HS3ST5: variants seen among roughly 807,000 people sequenced by gnomAD.
HS3ST5 encodes the protein heparan sulfate glucosamine 3-O-sulfotransferase 5.
Under a neutral mutation model 25.4 loss-of-function variants are expected in HS3ST5, and 10 were observed. The ratio of observed to expected loss-of-function variants is 0.39; its 90% CI spans 0.24 to 0.67. HS3ST5 has a LOEUF of 0.67. Among genes scored for constraint, HS3ST5 ranks in the 30% least tolerant of loss-of-function variants. The pLI, the probability that HS3ST5 is intolerant of heterozygous loss-of-function variation, is 0.44. For missense variants in HS3ST5, 324 were observed against 420.7 expected (o/e 0.77, Z 2.01); for synonymous variants, 170 against 162.4 (o/e 1.05, Z -0.36).
chr6:114,295,242 T>A (rs1437447193), intron 1 of HS3ST5, among the ~76,000 whole-genome samples: 1 of 152,256 alleles, frequency 6.6e-6, no homozygotes, highest in Non-Finnish European at 1.5e-5. Flanking sequence ...CTGTCTTCTC[T>A]AATGCCCCTT....
chr6:114,125,915 A>G (rs1777014675), intron 3 of HS3ST5, among the ~76,000 whole-genome samples: 1 of 152,216 alleles, frequency 6.6e-6, no homozygotes, highest in Admixed American at 6.5e-5. Flanking sequence ...ATGGAAGCTG[A>G]CAGGCAGTAT....
chr6:114,317,839 G>A (rs1775805450), intron 1 of HS3ST5, among the ~76,000 whole-genome samples: 1 of 151,718 alleles, frequency 6.6e-6, no homozygotes, highest in African/African-American at 2.4e-5. Flanking sequence ...AAGTTATGAG[G>A]CTTATTTTAG....
chr6:114,140,411 A>G (rs1050778043), intron 3 of HS3ST5, among the ~76,000 whole-genome samples: 5 of 152,226 alleles, frequency 3.3e-5, no homozygotes, highest in Admixed American at 6.5e-5. Flanking sequence ...AATAATTGTA[A>G]AAGTGGTTGG....
intron 1 of HS3ST5, among the ~76,000 whole-genome samples, chr6:114,322,915 A>G (rs1359883482): frequency 6.6e-6 from 1 of 152,192 alleles, no homozygotes; most frequent in East Asian, 1.9e-4. Context: ...TGATTTGGCT[A>G]ATAAAATGAA....
chr6:114,308,530 T>G (rs1408321912), intron 1 of HS3ST5, among the ~76,000 whole-genome samples: 1 of 151,294 alleles, frequency 6.6e-6, no homozygotes, highest in Non-Finnish European at 1.5e-5. Flanking sequence ...GAGCTTGCAG[T>G]GAGCCGAGAT....
intron 2 of HS3ST5, among the ~76,000 whole-genome samples, chr6:114,204,713 T>A (rs1781193501): frequency 1.3e-5 from 2 of 152,220 alleles, no homozygotes; most frequent in Admixed American, 1.3e-4. Flanking sequence ...ATTTGAGTTG[T>A]CTTGTCCACT....
chr6:114,325,251 C>T (rs886410140), intron 1 of HS3ST5, among the ~76,000 whole-genome samples: 2 of 152,060 alleles, frequency 1.3e-5, no homozygotes, highest in African/African-American at 2.4e-5. Flanking sequence ...GTTACTCAGT[C>T]ACAATTGATG....
intron 3 of HS3ST5, among the ~76,000 whole-genome samples, chr6:114,138,641 G>A (rs1016579239): frequency 1.3e-5 from 2 of 152,102 alleles, no homozygotes; most frequent in Non-Finnish European, 2.9e-5. Flanking sequence ...ACCCATCTAC[G>A]TGGCTCCCCT....
intron 2 of HS3ST5, among the ~76,000 whole-genome samples, chr6:114,183,974 G>A (rs539884632): frequency 6.6e-6 from 1 of 151,428 alleles, no homozygotes; most frequent in Non-Finnish European, 1.5e-5. Context: ...CTAGTGCCTT[G>A]TGGAAGGTAG....
intron 2 of HS3ST5, among the ~76,000 whole-genome samples, chr6:114,218,680 C>A (rs191645878): frequency 1.6e-4 from 24 of 152,310 alleles, no homozygotes; most frequent in African/African-American, 5.8e-4. Flanking sequence ...AAATGCCATT[C>A]CCTGAGTAGG....
chr6:114,164,261 CA>C (rs967051623), intron 3 of HS3ST5, among the ~76,000 whole-genome samples: 2 of 152,006 alleles, frequency 1.3e-5, no homozygotes, highest in Non-Finnish European at 2.9e-5. Flanking sequence ...TTACAGTTTA[CA>C]AAATACCTTT....
intron 3 of HS3ST5, among the ~76,000 whole-genome samples, chr6:114,122,711 A>G (rs1203639674): frequency 6.6e-6 from 1 of 152,210 alleles, no homozygotes; most frequent in Admixed American, 6.5e-5. Flanking sequence ...TGCCTCCACC[A>G]CGTCCACCTT....
At chr6:114,176,459 T>A (rs74529210) in intron 2 of HS3ST5, among the ~76,000 whole-genome samples, 10 of 152,202 alleles carry the variant, frequency 6.6e-5, no homozygotes, top group African/African-American at 2.4e-4. Context: ...ACTTGTATCA[T>A]TGGCAGAAAC....
At chr6:114,109,582 C>T (rs1776163815) in intron 3 of HS3ST5, among the ~76,000 whole-genome samples, 1 of 152,190 alleles carries the variant, frequency 6.6e-6, no homozygotes, top group African/African-American at 2.4e-5. Flanking sequence ...TCCTTCCCTT[C>T]CTCTCTGGCC....
intron 1 of HS3ST5, among the ~76,000 whole-genome samples, chr6:114,303,973 T>G (rs1582801741): frequency 6.6e-6 from 1 of 152,144 alleles, no homozygotes; most frequent in South Asian, 2.1e-4. Flanking sequence ...GCAGTAGTGG[T>G]GTGATTCCAT....
At chr6:114,235,790 T>C (rs1227697523) in intron 1 of HS3ST5, 1 of 152,204 alleles carries the variant, frequency 6.6e-6, no homozygotes, top group African/African-American at 2.4e-5. Flanking sequence ...AGAAGTCACT[T>C]ATTCAGATGA....
rs530154823 is a variant in HS3ST5, at chr6:114,335,316, A to T, written c.-339+6879T>A. On this transcript the variant is annotated intron_variant, in intron 1 of 4. Coordinates refer to ENST00000312719, the MANE Select transcript of HS3ST5 (RefSeq NM_153612.4). ...AGAATTAAATGAGTGGCAAAAAAAA[A>T]AAAAAAATCTAAGAATAGAATTAAA... Among the ~76,000 whole-genome samples, 68 of 152,274 alleles carry T rather than the reference A, an allele frequency of 4.5e-4. No individual in the cohort carries two copies. In the South Asian group the frequency reaches 4.6e-3, roughly 10 times the overall value.
chr6:114,078,818 A>C (rs1774291057), intron 3 of HS3ST5, among the ~76,000 whole-genome samples: 1 of 152,196 alleles, frequency 6.6e-6, no homozygotes, highest in South Asian at 2.1e-4. Context: ...GTGCAAATCT[A>C]ATCCTTGAGT....
At chr6:114,170,368 A>AT (rs1210661161) in intron 2 of HS3ST5, among the ~76,000 whole-genome samples, 4 of 152,024 alleles carry the variant, frequency 2.6e-5, no homozygotes, top group African/African-American at 9.7e-5. Flanking sequence ...TTGTAATGTA[A>AT]TTTTTTAAAA....
Sources: gnomAD v4.1 joint callset for allele counts (sites outside exome capture counted in the v4.1 genomes callset) on GRCh38, gnomAD v4.1.1 for gene constraint, MANE v1.5 for transcripts, NCBI Gene and HGNC (gene_info 2026-07-23, HGNC 2026-07-21) for gene names.